STX8: variants seen among roughly 807,000 people sequenced by gnomAD.
STX8 encodes syntaxin-8.
STX8 carries 23 observed loss-of-function variants against 37.5 expected under a neutral mutation model. The ratio of observed to expected loss-of-function variants is 0.61; its 90% CI spans 0.44 to 0.87. STX8 has a LOEUF of 0.87. STX8 is among the 40% of genes least tolerant of loss of function. STX8 has a pLI of 0.00. For missense variants in STX8, 313 were observed against 284.7 expected, an observed-to-expected ratio of 1.10 and a Z score of -0.71; for synonymous variants, 115 against 99.1, an observed-to-expected ratio of 1.16 and a Z score of -0.95.
chr17:9,566,584 C>G (rs141313120), intron 2 of STX8, among the ~76,000 whole-genome samples: 1 of 152,024 alleles, frequency 6.6e-6, no homozygotes, highest in Admixed American at 6.6e-5. Context: ...GTCAGGTGTT[C>G]GAGACAAGCC....
Position 9,405,860 on chromosome 17 carries a change from G to A in STX8, c.542-27207C>T, listed in dbSNP as rs560850158. Among the ~76,000 whole-genome samples the A allele has an allele frequency of 4.6e-5, 7 of 152,260 alleles. No individual in the cohort carries two copies. In the South Asian group the frequency reaches 6.2e-4, roughly 14 times the overall value. On this transcript the variant is annotated intron_variant, in intron 6 of 7. Transcript: ENST00000306357. The stretch of plus-strand genomic sequence containing the variant: ...TCTTTCTGAAATTATCAAACCATCC[G>A]TTACTGGCATTAAATTCTCCAGCTT...
chr17:9,431,959 T>G (rs1288333003), intron 6 of STX8, among the ~76,000 whole-genome samples: 5 of 152,198 alleles, frequency 3.3e-5, no homozygotes, highest in Admixed American at 3.3e-4. Flanking sequence ...CCCCTCTCAC[T>G]TCAATCTCCT....
intron 6 of STX8, among the ~76,000 whole-genome samples, chr17:9,430,280 T>C (rs1376674009): frequency 1.4e-5 from 2 of 144,874 alleles, no homozygotes; most frequent in Non-Finnish European, 3.0e-5. Flanking sequence ...GTGGCATTAA[T>C]TACACTAACA....
At chr17:9,315,855 A>T (rs1909366154) in intron 7 of STX8, among the ~76,000 whole-genome samples, 1 of 152,068 alleles carries the variant, frequency 6.6e-6, no homozygotes, top group Admixed American at 6.5e-5. Flanking sequence ...CTACTAAAAT[A>T]CAAAAAACAT....
chr17:9,475,976 C>T (rs571708706), intron 6 of STX8, among the ~76,000 whole-genome samples: 2 of 152,304 alleles, frequency 1.3e-5, no homozygotes, highest in South Asian at 4.1e-4. Flanking sequence ...GTCAGGAGTT[C>T]GAGACCAGCC....
intron 6 of STX8, among the ~76,000 whole-genome samples, chr17:9,399,711 C>G (rs2142316160): frequency 1.3e-5 from 2 of 151,820 alleles, no homozygotes; most frequent in South Asian, 2.1e-4. Flanking sequence ...ACTAAAAATA[C>G]AAAAATTAGC....
intron 7 of STX8, among the ~76,000 whole-genome samples, chr17:9,297,595 C>T (rs1189201580): frequency 1.3e-5 from 2 of 152,196 alleles, no homozygotes; most frequent in Non-Finnish European, 2.9e-5. Flanking sequence ...TAGCCGGATG[C>T]AGTAGCTCAC....
At chr17:9,412,659 C>G (rs1032615243) in intron 6 of STX8, among the ~76,000 whole-genome samples, 1 of 152,128 alleles carries the variant, frequency 6.6e-6, no homozygotes, top group Non-Finnish European at 1.5e-5. Flanking sequence ...CATGTGCATT[C>G]CCCCACACCC....
chr17:9,440,836 T>A (rs1220726274), intron 6 of STX8, among the ~76,000 whole-genome samples: 1 of 152,154 alleles, frequency 6.6e-6, no homozygotes, highest in Non-Finnish European at 1.5e-5. Context: ...GATTTTTTTT[T>A]AAACCACAGT....
chr17:9,437,304 A>G (rs1320983831), intron 6 of STX8, among the ~76,000 whole-genome samples: 2 of 152,190 alleles, frequency 1.3e-5, no homozygotes, highest in East Asian at 3.8e-4. Flanking sequence ...CACCAAAAGT[A>G]CTGCTTAAAG....
intron 2 of STX8, among the ~76,000 whole-genome samples, chr17:9,559,755 TA>T (rs1354950144): frequency 4.5e-4 from 26 of 57,346 alleles, no homozygotes; most frequent in South Asian, 3.1e-3. Flanking sequence ...TATATATATA[TA>T]TATATTTTTT....
At chr17:9,360,496 A>G (rs1168878714) in intron 7 of STX8, among the ~76,000 whole-genome samples, 1 of 151,872 alleles carries the variant, frequency 6.6e-6, no homozygotes, top group East Asian at 1.9e-4. Context: ...TCGGCCTCCC[A>G]AAGTGCTGGG....
intron 7 of STX8, among the ~76,000 whole-genome samples, chr17:9,271,315 G>A (rs151092764): frequency 0.023 from 3,436 of 152,232 alleles, 121 homozygotes; most frequent in African/African-American, 0.077. Context: ...TTAGCTGGGC[G>A]TGATGGCATG....
chr17:9,542,656 G>T (rs191013099), intron 4 of STX8, among the ~76,000 whole-genome samples: 2 of 151,874 alleles, frequency 1.3e-5, no homozygotes, highest in Non-Finnish European at 2.9e-5. Flanking sequence ...CAGCCTGGGC[G>T]ACAGAGCAAG....
intron 4 of STX8, among the ~76,000 whole-genome samples, chr17:9,530,448 G>A (rs1485882485): frequency 2.0e-5 from 3 of 152,194 alleles, no homozygotes; most frequent in Non-Finnish European, 4.4e-5. Flanking sequence ...AGTCCCAGCA[G>A]TAGTATATGA....
chr17:9,507,729 G>A lies in STX8; in HGVS notation c.324-2567C>T, dbSNP rs954510167. On this transcript the variant is annotated intron_variant, in intron 4 of 7. Transcript: ENST00000306357. This position sits in a 1 kb window ranked among gnomAD's most constrained non-coding sequence, Gnocchi z 4.0. ...GCATCGCTGACCTGACAAATAGCCCGGTGAACACATCCCTGGCAAAGTCAT... is the reference window on the plus strand; with the variant it reads ...GCATCGCTGACCTGACAAATAGCCCAGTGAACACATCCCTGGCAAAGTCAT... Among the ~76,000 whole-genome samples the A allele has an allele frequency of 4.6e-5, 7 of 152,240 alleles. No individual in the cohort carries two copies. The highest frequency in any genetic ancestry group is 1.0e-4 in the Non-Finnish European group (7 of 68,026).
At position 9,533,834 on chromosome 17, in the gene STX8, C is replaced by G. The variant is rs79446897; in HGVS notation, c.323+11338G>C. Among the ~76,000 whole-genome samples, 297 of 152,316 alleles carry G rather than the reference C, an allele frequency of 1.9e-3. 2 individuals carry two copies. The highest frequency in any genetic ancestry group is 6.7e-3 in the African/African-American group (279 of 41,570). On this transcript the variant is annotated intron_variant, in intron 4 of 7. Coordinates refer to ENST00000306357, the MANE Select transcript of STX8 (RefSeq NM_004853.3). Reference sequence around the variant, plus strand: ...CCTACCCAACATCAGTATGTCTCATCTTCCTTGTTATCAGAACCTCAATTT... The same window carrying G: ...CCTACCCAACATCAGTATGTCTCATGTTCCTTGTTATCAGAACCTCAATTT...
intron 6 of STX8, among the ~76,000 whole-genome samples, chr17:9,462,478 T>A (rs543570039): frequency 1.3e-5 from 2 of 152,106 alleles, no homozygotes; most frequent in Admixed American, 6.6e-5. Flanking sequence ...TCCAAGTACT[T>A]TGGGAGGCCG....
At chr17:9,543,215 C>T (rs150569803) in intron 4 of STX8, among the ~76,000 whole-genome samples, 1 of 152,298 alleles carries the variant, frequency 6.6e-6, no homozygotes, top group African/African-American at 2.4e-5. Context: ...AAACAAGCTC[C>T]CCGTCCTACC....
Sources: gnomAD v4.1 joint callset for allele counts (sites outside exome capture counted in the v4.1 genomes callset) on GRCh38, gnomAD v4.1.1 for gene constraint, Gnocchi (gnomAD v3.1) non-coding constraint, MANE v1.5 for transcripts, NCBI Gene and HGNC (gene_info 2026-07-23, HGNC 2026-07-21) for gene names.